TRAPPC8: variants seen among roughly 807,000 people sequenced by gnomAD.
The protein encoded by TRAPPC8 is trafficking protein particle complex subunit 8.
Under a neutral mutation model 174.3 loss-of-function variants are expected in TRAPPC8, and 54 were observed. That is an observed-to-expected ratio of 0.31 (90% CI 0.25 to 0.39). The LOEUF is 0.39. TRAPPC8 is among the 10% of genes least tolerant of loss of function. The probability of loss-of-function intolerance (pLI) is 1.00; values close to 1 mark genes in which losing one functional copy is unlikely to be tolerated. For synonymous variants in TRAPPC8, 630 were observed against 579.9 expected (o/e 1.09, Z -1.24); for missense variants, 1,531 against 1,699.1 (o/e 0.90, Z 1.74).
rs952994616 is a variant in TRAPPC8 at position 31,908,917 on chromosome 18, G to C, written c.959C>G (p.Ser320Cys). 6.8e-6 allele frequency: 11 copies of C among 1,613,612 alleles called. No individual in the cohort carries two copies. The highest frequency in any genetic ancestry group is 1.7e-5 in the Admixed American group (1 of 59,968). ...NSIDGPDHLR[S>C]ASSLHETKKG... ...CTTTGTTTCATGTAACGATGAAGCA[G>C]ATCTTAGATGATCTGGGCCATCAAT... The change falls in exon 7 of 29, where the codon TCT (serine) becomes TGT (cysteine). Residue 320 changes from serine to cysteine, a missense_variant. Coordinates refer to ENST00000283351, the MANE Select transcript of TRAPPC8 (RefSeq NM_014939.5).
rs1234160884 is a variant in TRAPPC8 at position 31,908,903 on chromosome 18, G to T, written c.973C>A (p.His325Asn). Residue 325 changes from histidine (H) to asparagine (N), a missense_variant, in exon 7 of 29, where the codon CAT becomes AAT. Physicochemically the swap from His to Asn is moderately conservative, Grantham distance 68. Coordinates refer to ENST00000283351, the MANE Select transcript of TRAPPC8 (RefSeq NM_014939.5). ...PDHLRSASSL[H>N]ETKKGNTGII... ...CCAGTATTTCCTTTCTTTGTTTCAT[G>T]TAACGATGAAGCAGATCTTAGATGA... is the stretch of plus-strand genomic sequence containing the variant. 2.5e-6 allele frequency: 4 copies of T among 1,613,574 alleles called. No individual in the cohort carries two copies. Among genetic ancestry groups the T allele is most frequent in the Non-Finnish European group, 3.4e-6 (4 of 1,179,774 alleles).
intron 12 of TRAPPC8, among the ~76,000 whole-genome samples, chr18:31,889,445 A>G (rs1162787809): frequency 6.6e-6 from 1 of 152,260 alleles, no homozygotes; most frequent in Non-Finnish European, 1.5e-5. Context: ...AGGAGACAAT[A>G]GACCATTCCT....
At chr18:31,872,781 A>G (rs1043344206) in intron 14 of TRAPPC8, among the ~76,000 whole-genome samples, 6 of 152,298 alleles carry the variant, frequency 3.9e-5, no homozygotes, top group African/African-American at 1.4e-4. Context: ...GGATGTTAAA[A>G]TAAAGTACTT....
At chr18:31,865,550 T>C (rs1006727343) in intron 18 of TRAPPC8, among the ~76,000 whole-genome samples, 1 of 151,948 alleles carries the variant, frequency 6.6e-6, no homozygotes, top group Non-Finnish European at 1.5e-5. Flanking sequence ...AAACTCTGCT[T>C]AGAAGATAGG....
intron 24 of TRAPPC8, among the ~76,000 whole-genome samples, chr18:31,852,045 A>G (rs1388781351): frequency 6.6e-6 from 1 of 152,104 alleles, no homozygotes; most frequent in Non-Finnish European, 1.5e-5. Context: ...TTATCCTCCA[A>G]AGAGTCTGAG....
intron 5 of TRAPPC8, among the ~76,000 whole-genome samples, chr18:31,911,400 G>T (rs1206175158): frequency 6.6e-6 from 1 of 150,474 alleles, no homozygotes; most frequent in African/African-American, 2.5e-5. Context: ...GCAGTGAGCC[G>T]AGATCTCGCC....
intron 3 of TRAPPC8, among the ~76,000 whole-genome samples, chr18:31,916,959 G>C (rs905670816): frequency 6.2e-5 from 9 of 145,102 alleles, no homozygotes; most frequent in Non-Finnish European, 1.4e-4. Context: ...GATTTTTTTT[G>C]TTGACAGTTT....
intron 5 of TRAPPC8, among the ~76,000 whole-genome samples, chr18:31,911,756 CAAAAAAAAA>C (rs71177805): frequency 1.7e-4 from 11 of 62,982 alleles, no homozygotes; most frequent in African/African-American, 3.1e-4. Context: ...GACTCCGTCT[CAAAAAAAAA>C]AAAAAAAAAA....
chr18:31,897,706 G>T, intron 11 of TRAPPC8, 80 bp downstream of exon 11: 1 of 1,013,212 alleles, frequency 9.9e-7, no homozygotes, highest in Non-Finnish European at 1.3e-6. Flanking sequence ...GTTTTGTAAA[G>T]CCTTTCAAGA....
intron 27 of TRAPPC8, among the ~76,000 whole-genome samples, chr18:31,838,499 A>T (rs1202750163): frequency 6.6e-6 from 1 of 152,162 alleles, no homozygotes; most frequent in Non-Finnish European, 1.5e-5. Flanking sequence ...CGTACCTAGT[A>T]AGAACAGATA....
chr18:31,928,927 T>C (rs149293457), intron 2 of TRAPPC8, among the ~76,000 whole-genome samples: 9,061 of 152,186 alleles, frequency 0.06, 288 homozygotes, highest in Middle Eastern at 0.11. Context: ...ACGCCTGTAA[T>C]CCCAGCACTT....
intron 11 of TRAPPC8, chr18:31,895,615 T>C (rs565323585): frequency 5.9e-5 from 9 of 152,210 alleles, no homozygotes; most frequent in East Asian, 1.9e-4. Flanking sequence ...CATATGTGGA[T>C]AGAATGGCAT....
chr18:31,835,418 GTA>G (rs1265750122), intron 27 of TRAPPC8, among the ~76,000 whole-genome samples: 5 of 152,068 alleles, frequency 3.3e-5, no homozygotes, highest in Non-Finnish European at 7.4e-5. Context: ...CACTGTCTAG[GTA>G]TATGACTTAT....
chr18:31,940,252 G>A lies in TRAPPC8; in HGVS notation c.157+2356C>T, dbSNP rs190583225. Among the ~76,000 whole-genome samples the A allele has an allele frequency of 6.1e-3, 931 of 152,036 alleles. 12 individuals carry two copies. Among genetic ancestry groups the A allele is most frequent in the African/African-American group, 0.022 (895 of 41,508 alleles). On this transcript the variant is annotated intron_variant, in intron 1 of 28. Transcript: ENST00000283351. ...AGCACTTTGGGAGGCGGAGGCGGGC[G>A]GACCACGAGGTCAGGAGTTCGAGAC...
rs759827434 is a variant in TRAPPC8, at chr18:31,857,662, A to G, written c.3066T>C (p.Thr1022=). 6.2e-7 allele frequency: 1 copy of G among 1,614,170 alleles called. No individual in the cohort carries two copies. The change falls in exon 20 of 29, where the codon ACT becomes ACC. Residue 1022 remains threonine, a synonymous_variant. Transcript: ENST00000283351. ...GCACTGAGGCTCCGGGTAGAAGAAC[A>G]GTGTCAGGAAGGGGAACAGGAATCA... The part of the protein sequence containing the change: ...PEVIPVPLPD[T]VLLPGASVQL...
chr18:31,917,941 T>C (rs892207386), intron 2 of TRAPPC8, among the ~76,000 whole-genome samples: 1 of 152,014 alleles, frequency 6.6e-6, no homozygotes, highest in Non-Finnish European at 1.5e-5. Context: ...CTGGTCAACA[T>C]GGCAAAACCT....
chr18:31,934,145 G>A (rs918671451), intron 1 of TRAPPC8, among the ~76,000 whole-genome samples: 6 of 151,240 alleles, frequency 4.0e-5, no homozygotes, highest in Non-Finnish European at 8.8e-5. Context: ...CCAAGATTGC[G>A]CCACTGCACT....
chr18:31,885,449 T>C (rs2035661848), intron 12 of TRAPPC8, among the ~76,000 whole-genome samples: 1 of 152,200 alleles, frequency 6.6e-6, no homozygotes, highest in Non-Finnish European at 1.5e-5. Context: ...ATGAGATGAC[T>C]GTCAAAATCT....
intron 24 of TRAPPC8, among the ~76,000 whole-genome samples, chr18:31,851,489 T>C (rs1418058708): frequency 1.3e-5 from 2 of 151,930 alleles, no homozygotes; most frequent in African/African-American, 4.8e-5. Flanking sequence ...TTTGAAACTT[T>C]GAATACCACT....
Sources: allele counts gnomAD v4.1 joint callset (sites outside exome capture counted in the v4.1 genomes callset), GRCh38; gene constraint gnomAD v4.1.1; transcripts MANE v1.5; gene names NCBI Gene and HGNC (gene_info 2026-07-23, HGNC 2026-07-21).